The following CACNA1D variants were observed in gnomAD, a reference collection of about 807,000 sequenced individuals.
The protein encoded by CACNA1D is voltage-dependent L-type calcium channel subunit alpha-1D.
Under a neutral mutation model 257.1 loss-of-function variants are expected in CACNA1D, and 55 were observed. The ratio of observed to expected loss-of-function variants is 0.21; its 90% CI spans 0.17 to 0.27. The LOEUF is 0.27. CACNA1D is among the 10% of genes least tolerant of loss of function. The pLI is 1.00. For missense variants in CACNA1D, 1,876 were observed against 2,784.0 expected (o/e 0.67, Z 7.34); for synonymous variants, 980 against 1,014.9 (o/e 0.97, Z 0.65).
chr3:53,563,350 C>A (rs1197364809), intron 3 of CACNA1D, among the ~76,000 whole-genome samples: 1 of 151,988 alleles, frequency 6.6e-6, no homozygotes, highest in Non-Finnish European at 1.5e-5. Context: ...ATGATGAAAC[C>A]CCATCTCTAC....
At position 53,786,628 on chromosome 3, in the gene CACNA1D, T is replaced by G. The variant is rs554949577; in HGVS notation, c.4793-194T>G. 25 of 600,482 alleles carry G rather than the reference T, an allele frequency of 4.2e-5. 1 individual carries two copies. In the Middle Eastern group the frequency reaches 2.2e-3, roughly 53 times the overall value. 37.2% of individuals were successfully genotyped at this position (600,482 alleles called of 1,614,324 possible). Reference sequence around the variant, plus strand: ...ATTTAACTGACACTAATTTTGAGCCTTAGTTGCTTTGCAAAACCTTGCTTT... The same window carrying G: ...ATTTAACTGACACTAATTTTGAGCCGTAGTTGCTTTGCAAAACCTTGCTTT... On this transcript the variant is annotated intron_variant, in intron 39 of 47. Coordinates refer to ENST00000350061, the MANE Select transcript of CACNA1D (RefSeq NM_001128840.3).
chr3:53,584,403 C>T (rs959077300), intron 3 of CACNA1D, among the ~76,000 whole-genome samples: 2 of 152,192 alleles, frequency 1.3e-5, no homozygotes, highest in African/African-American at 4.8e-5. Context: ...CCTGATTCCT[C>T]CCTTCTGGGA....
intron 3 of CACNA1D, among the ~76,000 whole-genome samples, chr3:53,609,409 CAAAAA>C (rs33943272): frequency 3.8e-5 from 3 of 79,660 alleles, no homozygotes; most frequent in Admixed American, 1.5e-4. Context: ...GACTCTACCT[CAAAAA>C]AAAAAAAAAA....
chr3:53,619,668 A>T (rs2093675221), intron 3 of CACNA1D, among the ~76,000 whole-genome samples: 1 of 152,312 alleles, frequency 6.6e-6, no homozygotes, highest in East Asian at 1.9e-4. Context: ...GACCCTGGGT[A>T]GGAGGGCCAG....
intron 3 of CACNA1D, among the ~76,000 whole-genome samples, chr3:53,556,201 A>G (rs1353882024): frequency 6.6e-6 from 1 of 152,216 alleles, no homozygotes; most frequent in East Asian, 1.9e-4. Context: ...AATTTGGGTT[A>G]TTTCCAGTTT....
Position 53,798,453 on chromosome 3 carries a change from T to C in CACNA1D, c.4924-1796T>C, listed in dbSNP as rs58865590. ...AGGGACAGGAGAGCAAGAAGCAGCC[T>C]CCCTGACCACCCCAAGAACTGTCTT... is the stretch of plus-strand genomic sequence containing the variant. On this transcript the variant is annotated intron_variant, in intron 40 of 47. Transcript: ENST00000350061. Among the ~76,000 whole-genome samples the C allele has an allele frequency of 8.2e-3, 1,249 of 152,260 alleles. 18 individuals are homozygous for C. The highest frequency in any genetic ancestry group is 0.028 in the African/African-American group (1,174 of 41,554).
At chr3:53,676,226 C>T (rs985331858) in intron 8 of CACNA1D, among the ~76,000 whole-genome samples, 52 of 152,188 alleles carry the variant, frequency 3.4e-4, no homozygotes, top group East Asian at 1.9e-4. Flanking sequence ...GCATCTCCCC[C>T]GGCGACTGAC....
At chr3:53,637,046 T>TC (rs1315551597) in intron 3 of CACNA1D, among the ~76,000 whole-genome samples, 84 of 152,372 alleles carry the variant, frequency 5.5e-4, no homozygotes, top group African/African-American at 1.9e-3. Context: ...GCTCTTTTTT[T>TC]TTCATTTTAC....
rs1324723621 is a variant in CACNA1D, at chr3:53,740,535, A to G, written c.2811+196A>G. 6.8e-6 allele frequency: 4 copies of G among 588,002 alleles called. No individual in the cohort carries two copies. The African/African-American group carries it at 7.5e-5, about 11-fold the overall frequency. 36.4% of individuals were successfully genotyped at this position (588,002 alleles called of 1,614,324 possible). ...CTGCTCCTGCGTGTGACACACAGGAAAGAAGCGTGGAGTGCTTTTGATTTT... is the reference window on the plus strand; with the variant it reads ...CTGCTCCTGCGTGTGACACACAGGAGAGAAGCGTGGAGTGCTTTTGATTTT... On this transcript the variant is annotated intron_variant, in intron 21 of 47. Coordinates refer to ENST00000350061, the MANE Select transcript of CACNA1D (RefSeq NM_001128840.3).
chr3:53,639,078 C>T (rs1023381350), intron 3 of CACNA1D, among the ~76,000 whole-genome samples: 4 of 152,188 alleles, frequency 2.6e-5, no homozygotes, highest in South Asian at 2.1e-4. Context: ...GTATTGTTCA[C>T]GTTGACTGTA....
At chr3:53,742,573 T>A (rs1019864467) in intron 21 of CACNA1D, among the ~76,000 whole-genome samples, 13 of 152,234 alleles carry the variant, frequency 8.5e-5, no homozygotes, top group African/African-American at 2.9e-4. Flanking sequence ...CTGGGAGCCC[T>A]GAATTCAAGC....
intron 3 of CACNA1D, among the ~76,000 whole-genome samples, chr3:53,575,053 T>G (rs2093012624): frequency 6.6e-6 from 1 of 152,148 alleles, no homozygotes; most frequent in Non-Finnish European, 1.5e-5. Flanking sequence ...TCCACAGCAT[T>G]ATGTGTGCCT....
intron 9 of CACNA1D, among the ~76,000 whole-genome samples, chr3:53,708,472 G>A (rs1191942367): frequency 1.3e-5 from 2 of 152,212 alleles, no homozygotes; most frequent in Non-Finnish European, 2.9e-5. Flanking sequence ...CTCCATTGGG[G>A]TGGCACTGGG....
intron 3 of CACNA1D, among the ~76,000 whole-genome samples, chr3:53,552,758 A>G (rs1200603113): frequency 6.6e-6 from 1 of 152,200 alleles, no homozygotes; most frequent in African/African-American, 2.4e-5. Flanking sequence ...ATTGTAGTAG[A>G]AAGATAACAT....
At chr3:53,501,826 A>G in intron 3 of CACNA1D, 106 bp downstream of exon 3, 1 of 724,520 alleles carries the variant, frequency 1.4e-6, no homozygotes, top group East Asian at 2.6e-5. Flanking sequence ...ATAGCTATGC[A>G]TGTCGTGTTT....
In CACNA1D at chr3:53,703,550, G is replaced by C. The variant is rs144568415; in HGVS notation, c.1390+740G>C. Among the ~76,000 whole-genome samples, 352 of 152,298 alleles carry C rather than the reference G, an allele frequency of 2.3e-3. 1 individual carries two copies. The highest frequency in any genetic ancestry group is 7.9e-3 in the African/African-American group (327 of 41,564). Reference sequence around the variant, plus strand: ...TCTCTCTGGGGCCCTTTGTGCCTCGGGTCAGAGTGGAAACTGGAATCCAGC... The same window carrying C: ...TCTCTCTGGGGCCCTTTGTGCCTCGCGTCAGAGTGGAAACTGGAATCCAGC... On this transcript the variant is annotated intron_variant, in intron 9 of 47. Transcript: ENST00000350061.
At chr3:53,708,476 C>T (rs2094715582) in intron 9 of CACNA1D, among the ~76,000 whole-genome samples, 1 of 152,178 alleles carries the variant, frequency 6.6e-6, no homozygotes, top group South Asian at 2.1e-4. Context: ...ATTGGGGTGG[C>T]ACTGGGAGTA....
chr3:53,726,774 G>A, intron 14 of CACNA1D, 105 bp from the exon 15 acceptor site: 1 of 1,427,672 alleles, frequency 7.0e-7, no homozygotes, highest in Non-Finnish European at 9.9e-7. Context: ...AAACTGGACT[G>A]TGAAAGGCAG....
At chr3:53,787,639 G>A (rs1317802436) in intron 40 of CACNA1D, among the ~76,000 whole-genome samples, 4 of 152,150 alleles carry the variant, frequency 2.6e-5, no homozygotes, top group Non-Finnish European at 5.9e-5. Context: ...ACCAGCCAGG[G>A]TCCTTGCATG....
Sources: allele counts gnomAD v4.1 joint callset (sites outside exome capture counted in the v4.1 genomes callset), GRCh38; gene constraint gnomAD v4.1.1; transcripts MANE v1.5; gene names NCBI Gene and HGNC (gene_info 2026-07-23, HGNC 2026-07-21).